INO80C: variants seen among roughly 807,000 people sequenced by gnomAD.
INO80C encodes IES6 homolog.
In INO80C, 17 loss-of-function variants were observed where a neutral mutation model predicts 17.7. The observed-to-expected ratio is 0.96, with a 90% CI of 0.66 to 1.44. The LOEUF is 1.44. Ranked by LOEUF, INO80C falls within the 40% of genes most tolerant of loss-of-function variation. INO80C has a pLI of 0.00. For synonymous variants in INO80C, 96 were observed against 95.8 expected, an observed-to-expected ratio of 1.00 and a Z score of -0.01; for missense variants, 244 against 245.0, an observed-to-expected ratio of 1.00 and a Z score of 0.03.
At chr18:35,489,429 AG>A (rs1381938876) in intron 1 of INO80C, 2 of 191,424 alleles carry the variant, frequency 1.0e-5, no homozygotes, top group South Asian at 7.2e-5. Context: ...ACCAAGTGAA[AG>A]GGGTTTCCCA....
chr18:35,497,561 G>A (rs573503966), intron 1 of INO80C, 158 bp downstream of exon 1: 31 of 1,417,168 alleles, frequency 2.2e-5, no homozygotes, highest in Admixed American at 6.1e-5. Context: ...CCAAACGAAG[G>A]GAAAGAGTAG....
At chr18:35,497,184 A>T in intron 1 of INO80C, 2 of 212,184 alleles carry the variant, frequency 9.4e-6, no homozygotes, top group Non-Finnish European at 1.6e-5. Context: ...CAGTGCCTTT[A>T]CACTCATTAC....
intron 1 of INO80C, among the ~76,000 whole-genome samples, chr18:35,490,752 T>C (rs2045925698): frequency 1.3e-5 from 1 of 77,564 alleles, no homozygotes; most frequent in South Asian, 4.9e-4. Flanking sequence ...ATTTCTTTTT[T>C]TATTATTTTG....
intron 1 of INO80C, among the ~76,000 whole-genome samples, chr18:35,493,316 C>T (rs1160754682): frequency 1.3e-5 from 2 of 152,120 alleles, no homozygotes; most frequent in Non-Finnish European, 2.9e-5. Flanking sequence ...AAAATTAATC[C>T]CTTCAAAGTA....
chr18:35,487,100 CCTTA>C (rs1287192465), intron 1 of INO80C, among the ~76,000 whole-genome samples: 2 of 152,186 alleles, frequency 1.3e-5, no homozygotes, highest in Non-Finnish European at 2.9e-5. Flanking sequence ...GCAGATACCA[CCTTA>C]CTAAGTGCTC....
At chr18:35,486,633 T>TA (rs1038849858) in intron 1 of INO80C, among the ~76,000 whole-genome samples, 2 of 151,948 alleles carry the variant, frequency 1.3e-5, no homozygotes, top group African/African-American at 4.8e-5. Flanking sequence ...ATACTGATTT[T>TA]AAAAAATGAA....
chr18:35,479,028 AG>A (rs1244794035), intron 3 of INO80C: 24 of 288,324 alleles, frequency 8.3e-5, no homozygotes, highest in African/African-American at 5.0e-4. Flanking sequence ...CTTTTGAATA[AG>A]AAGTTTGTCT....
Position 35,468,445 on chromosome 18 carries a change from C to G in INO80C, c.*166G>C. On this transcript the variant is annotated 3_prime_UTR_variant, in exon 5 of 5. Coordinates refer to ENST00000334598, the MANE Select transcript of INO80C (RefSeq NM_194281.4). ...ATATCACACTTGGAGGGAAAACACA[C>G]ACTAAAAAAAAAAAAAACCCTTAAA... 7.3e-7 allele frequency: 1 copy of G among 1,369,658 alleles called. No homozygotes were observed. The highest frequency in any genetic ancestry group is 9.3e-7 in the Non-Finnish European group (1 of 1,071,266). The allele number at this position is 1,369,658 out of a possible 1,614,324, so 84.8% of individuals were successfully genotyped here.
Position 35,491,689 on chromosome 18 carries a change from A to C in INO80C, c.156+6030T>G, listed in dbSNP as rs538724849. 7.5e-4 allele frequency among the ~76,000 whole-genome samples: 115 copies of C among 152,324 alleles called. 1 individual carries two copies. The highest frequency in any genetic ancestry group is 2.5e-3 in the African/African-American group (102 of 41,566). On this transcript the variant is annotated intron_variant, in intron 1 of 4. Transcript: ENST00000334598. Reference sequence around the variant, plus strand: ...TAACAACAGGATGAGAGGGAGACAGACCTTTAGTCAAAGGGAAGATCAAGT... The same window carrying C: ...TAACAACAGGATGAGAGGGAGACAGCCCTTTAGTCAAAGGGAAGATCAAGT...
intron 4 of INO80C, among the ~76,000 whole-genome samples, chr18:35,470,122 C>T (rs2045651560): frequency 6.6e-6 from 1 of 151,380 alleles, no homozygotes; most frequent in African/African-American, 2.4e-5. Flanking sequence ...TAGATGTCTA[C>T]TTTAATGTGG....
rs1441353122 is a variant in INO80C at position 35,468,361 on chromosome 18, T to A, written c.*250A>T. On this transcript the variant is annotated 3_prime_UTR_variant, in exon 5 of 5. Coordinates refer to ENST00000334598, the MANE Select transcript of INO80C (RefSeq NM_194281.4). ...ATGAAAAGTATGGTTTTATTGTATC[T>A]TCTTGTCAAACACCTTTACTTGAGG... The A allele has an allele frequency of 2.3e-6, 3 of 1,333,252 alleles. No homozygotes were observed. In the African/African-American group the frequency reaches 4.4e-5, roughly 20 times the overall value. 82.6% of individuals were successfully genotyped at this position (1,333,252 alleles called of 1,614,324 possible).
At chr18:35,470,739 AC>A (rs1213791637) in intron 4 of INO80C, among the ~76,000 whole-genome samples, 1 of 152,236 alleles carries the variant, frequency 6.6e-6, no homozygotes, top group Admixed American at 6.5e-5. Context: ...AAGGTTACCA[AC>A]AAAAACCTGA....
Position 35,482,267 on chromosome 18 carries a change from A to C in INO80C, c.157-1704T>G, listed in dbSNP as rs573545901. 1.5e-3 allele frequency among the ~76,000 whole-genome samples: 228 copies of C among 152,344 alleles called. 1 individual carries two copies. Among genetic ancestry groups the C allele is most frequent in the Admixed American group, 3.7e-3 (57 of 15,308 alleles). Reference sequence around the variant, plus strand: ...TGGAAGACACTACATGATTAACTAAATCACAGCTTATCTACTCTCAGCTGG... The same window carrying C: ...TGGAAGACACTACATGATTAACTAACTCACAGCTTATCTACTCTCAGCTGG... On this transcript the variant is annotated intron_variant, in intron 1 of 4. Coordinates refer to ENST00000334598, the MANE Select transcript of INO80C (RefSeq NM_194281.4).
chr18:35,474,167 ATATATATATG>A (rs2045702795), intron 4 of INO80C, among the ~76,000 whole-genome samples: 1 of 139,446 alleles, frequency 7.2e-6, no homozygotes, highest in Non-Finnish European at 1.5e-5. Context: ...ATACATATAT[ATATATATATG>A]TATATATATG....
Position 35,468,531 on chromosome 18 carries a change from AGTTT to A in INO80C, c.*76_*79del. On this transcript the variant is annotated 3_prime_UTR_variant, in exon 5 of 5. Coordinates refer to ENST00000334598, the MANE Select transcript of INO80C (RefSeq NM_194281.4). Reference sequence around the variant, plus strand: ...GCATTTTCAGATTGACAGCAGAACGAGTTTGTTTCCGTGAAACAAAATCATGAGT... The same window carrying A: ...GCATTTTCAGATTGACAGCAGAACGAGTTTCCGTGAAACAAAATCATGAGT... 2 of 1,598,028 alleles carry A rather than the reference AGTTT, an allele frequency of 1.3e-6. No homozygotes were observed. The highest frequency in any genetic ancestry group is 1.7e-6 in the Non-Finnish European group (2 of 1,169,746).
Position 35,478,354 on chromosome 18 carries a change from G to GA in INO80C, c.380-6dup, listed in dbSNP as rs369208692. 210,578 of 1,208,674 alleles carry GA rather than the reference G, an allele frequency of 0.17. 13 individuals are homozygous for GA. Among genetic ancestry groups the GA allele is most frequent in the South Asian group, 0.19 (12,246 of 64,422 alleles). The allele number at this position is 1,208,674 out of a possible 1,614,324, so 74.9% of individuals were successfully genotyped here. A position where few individuals can be genotyped will look rare whatever the true frequency, so the allele number is the denominator to read the frequency against. On this transcript the variant is annotated splice_region_variant and splice_polypyrimidine_tract_variant and intron_variant, in intron 3 of 4. Transcript: ENST00000334598. ...GAGGAGCATCAATACTGAAGTCTGG[G>GA]AAAAAAAAAAAAAAAAGATAACTAA...
At chr18:35,478,998 A>G (rs2045772801) in intron 3 of INO80C, 1 of 241,684 alleles carries the variant, frequency 4.1e-6, no homozygotes, top group Non-Finnish European at 7.9e-6. Context: ...TTGTTTTTGG[A>G]AACACATTTT....
At chr18:35,480,080 G>C (rs991124744) in intron 2 of INO80C, among the ~76,000 whole-genome samples, 1 of 152,054 alleles carries the variant, frequency 6.6e-6, no homozygotes, top group African/African-American at 2.4e-5. Flanking sequence ...CTACTCCACA[G>C]CACAACAGCT....
rs368079145 is a variant in INO80C at position 35,474,751 on chromosome 18, T to C, written c.447+3531A>G. Among the ~76,000 whole-genome samples the C allele has an allele frequency of 2.0e-5, 3 of 151,950 alleles. No homozygotes were observed. In the East Asian group the frequency reaches 5.8e-4, roughly 29 times the overall value. ...AGACATGAAAACTATAATAATCAAA[T>C]AGAAAAGCCAGAAATTAAAAACACA... On this transcript the variant is annotated intron_variant, in intron 4 of 4. Coordinates refer to ENST00000334598, the MANE Select transcript of INO80C (RefSeq NM_194281.4).
Sources: gnomAD v4.1 joint callset for allele counts (sites outside exome capture counted in the v4.1 genomes callset) on GRCh38, gnomAD v4.1.1 for gene constraint, MANE v1.5 for transcripts, NCBI Gene and HGNC (gene_info 2026-07-23, HGNC 2026-07-21) for gene names.